The following C2CD3 variants were observed in gnomAD, a reference collection of about 807,000 sequenced individuals.
The protein encoded by C2CD3 is C2 domain containing 3 centriole elongation regulator, also known as C2 domain-containing protein 3.
Under a neutral mutation model 234.0 loss-of-function variants are expected in C2CD3, and 148 were observed. The observed-to-expected ratio is 0.63, with a 90% CI of 0.55 to 0.72. The LOEUF is 0.72. C2CD3 is among the 30% of genes least tolerant of loss of function. C2CD3 has a pLI of 0.00. For synonymous variants in C2CD3, 1,000 were observed against 1,035.4 expected (o/e 0.97, Z 0.66); for missense variants, 2,577 against 2,811.5 (o/e 0.92, Z 1.89).
At chr11:74,147,525 T>C (rs1033256141) in intron 3 of C2CD3, among the ~76,000 whole-genome samples, 2 of 152,326 alleles carry the variant, frequency 1.3e-5, no homozygotes, top group South Asian at 4.1e-4. Flanking sequence ...GTATGAGTTA[T>C]GGTGCTAAAA....
chr11:74,065,534 A>C (rs993800011), intron 24 of C2CD3, among the ~76,000 whole-genome samples: 3 of 152,184 alleles, frequency 2.0e-5, no homozygotes, highest in African/African-American at 4.8e-5. Flanking sequence ...AACTAGAAAT[A>C]CCATTTGACC....
intron 32 of C2CD3, among the ~76,000 whole-genome samples, chr11:74,027,936 C>T (rs554362729): frequency 5.3e-5 from 8 of 152,244 alleles, no homozygotes; most frequent in African/African-American, 1.9e-4. Context: ...TACTGTTGTA[C>T]TCCCGTAAGG....
At chr11:74,161,141 A>G (rs1856429324) in intron 3 of C2CD3, among the ~76,000 whole-genome samples, 1 of 152,224 alleles carries the variant, frequency 6.6e-6, no homozygotes, top group Admixed American at 6.5e-5. Flanking sequence ...TTATGAATGT[A>G]AAAAAGAGTA....
At chr11:74,143,767 T>C (rs1257320957) in intron 3 of C2CD3, among the ~76,000 whole-genome samples, 2 of 152,014 alleles carry the variant, frequency 1.3e-5, no homozygotes, top group African/African-American at 2.4e-5. Flanking sequence ...TATTGCCCTC[T>C]GGTTTTGGTA....
intron 18 of C2CD3, among the ~76,000 whole-genome samples, chr11:74,093,173 T>C (rs1357219448): frequency 1.3e-5 from 2 of 152,032 alleles, no homozygotes; most frequent in Admixed American, 6.6e-5. Context: ...TTTCCTCTTA[T>C]ATTTATACTC....
chr11:74,095,422 C>A lies in C2CD3; in HGVS notation c.2980-14G>T. ...TCGGTCCTCTGCCTATTAAATGAAA[C>A]AGAAACACTGGTGAGCTTTAAAGAG... On this transcript the variant is annotated splice_polypyrimidine_tract_variant and intron_variant, in intron 16 of 32. Transcript: ENST00000334126. 1 of 1,601,524 alleles carries A rather than the reference C, an allele frequency of 6.2e-7. No individual in the cohort carries two copies. The highest frequency in any genetic ancestry group is 8.5e-7 in the Non-Finnish European group (1 of 1,173,074).
At chr11:74,079,215 A>C (rs1955217824) in intron 22 of C2CD3, among the ~76,000 whole-genome samples, 1 of 152,208 alleles carries the variant, frequency 6.6e-6, no homozygotes, top group South Asian at 2.1e-4. Flanking sequence ...TAGAGAACAC[A>C]TACCAAGGAC....
rs767942030 is a variant in C2CD3 at position 74,131,433 on chromosome 11, C to T, written c.1217+1411G>A. The stretch of plus-strand genomic sequence containing the variant: ...TTCAGGTGTCAAACTAACTCTCATT[C>T]CTGGAATAAATCCTGCTTGGTCATA... On this transcript the variant is annotated intron_variant, in intron 7 of 32. Transcript: ENST00000334126. 4.0e-4 allele frequency among the ~76,000 whole-genome samples: 60 copies of T among 151,740 alleles called. 1 individual carries two copies. The highest frequency in any genetic ancestry group is 8.8e-5 in the Non-Finnish European group (6 of 67,968).
intron 2 of C2CD3, among the ~76,000 whole-genome samples, chr11:74,162,511 A>C (rs556232744): frequency 5.3e-5 from 8 of 152,344 alleles, no homozygotes; most frequent in Non-Finnish European, 1.0e-4. Context: ...AAAAACTATA[A>C]CAGAGATAAC....
At chr11:74,123,831 T>C (rs1449923818) in intron 7 of C2CD3, among the ~76,000 whole-genome samples, 1 of 151,008 alleles carries the variant, frequency 6.6e-6, no homozygotes, top group Admixed American at 6.6e-5. Context: ...CTCTGCCTCC[T>C]GGGTTCAAGT....
chr11:74,035,418 C>T (rs956858853), intron 30 of C2CD3, among the ~76,000 whole-genome samples: 2 of 152,174 alleles, frequency 1.3e-5, no homozygotes, highest in East Asian at 1.9e-4. Context: ...CCCAGATTCA[C>T]GAGTTAAATA....
At chr11:74,148,272 A>G (rs1295213916) in intron 3 of C2CD3, among the ~76,000 whole-genome samples, 1 of 152,130 alleles carries the variant, frequency 6.6e-6, no homozygotes, top group Admixed American at 6.5e-5. Context: ...ATAGAAGTAA[A>G]TGTATCACAT....
At chr11:74,120,321 C>A (rs1033535411) in intron 8 of C2CD3, among the ~76,000 whole-genome samples, 2 of 152,108 alleles carry the variant, frequency 1.3e-5, no homozygotes, top group African/African-American at 4.8e-5. Context: ...TGTTCCCCGC[C>A]CCGTGTCTAA....
chr11:74,110,454 G>C (rs1052301371), intron 11 of C2CD3: 13 of 152,208 alleles, frequency 8.5e-5, no homozygotes, highest in Admixed American at 4.6e-4. Flanking sequence ...CAATGCACAG[G>C]AACTATGAAC....
At chr11:74,114,642 A>G in intron 9 of C2CD3, 49 bp from the exon 10 acceptor site, 1 of 1,197,360 alleles carries the variant, frequency 8.4e-7, no homozygotes, top group Non-Finnish European at 1.3e-6. Flanking sequence ...CAGGCTTCAC[A>G]TGAAACAATC....
intron 28 of C2CD3, among the ~76,000 whole-genome samples, chr11:74,045,723 C>T (rs1400039454): frequency 6.6e-6 from 1 of 151,994 alleles, no homozygotes; most frequent in South Asian, 2.1e-4. Flanking sequence ...AGGCATGCAC[C>T]ACTATGCCTG....
In C2CD3 at chr11:74,161,421, G is replaced by C. The variant is rs140484776; in HGVS notation, c.461C>G (p.Ser154Cys). 5.2e-5 allele frequency: 83 copies of C among 1,583,930 alleles called. No individual in the cohort carries two copies. The African/African-American group carries it at 9.7e-4, about 19-fold the overall frequency. Residue 154 changes from serine (S) to cysteine (C), a missense_variant, in exon 3 of 33, where the codon TCT becomes TGT. Transcript: ENST00000334126. ...TACCTGGAGTTCTCCAAGTTTCTTA[G>C]ACGTTGATGAAACAATGGTAAAAAA... Reference protein sequence around the residue: ...NGFFTIVSSTSKKLGELQVSL... With the variant: ...NGFFTIVSSTCKKLGELQVSL...
rs1251146324 is a variant in C2CD3 at position 74,013,148 on chromosome 11, C to G, written c.*237G>C. ...GGCGCGGATTCCATTTTATTTCTAG[C>G]CTTTGCCTCACCACAGAAAAAAGGA... On this transcript the variant is annotated 3_prime_UTR_variant, in exon 33 of 33. Transcript: ENST00000334126. The G allele has an allele frequency of 6.6e-6, 2 of 302,438 alleles. No individual in the cohort carries two copies. The highest frequency in any genetic ancestry group is 1.2e-5 in the Non-Finnish European group (2 of 166,028). The allele number at this position is 302,438 out of a possible 1,614,324, so 18.7% of individuals were successfully genotyped here. A position where few individuals can be genotyped will look rare whatever the true frequency, so the allele number is the denominator to read the frequency against.
intron 9 of C2CD3, among the ~76,000 whole-genome samples, chr11:74,116,925 C>T (rs1303189643): frequency 4.9e-5 from 5 of 103,060 alleles, no homozygotes; most frequent in African/African-American, 1.7e-4. Flanking sequence ...TATACATATA[C>T]ACGTGTATAT....
Sources: gnomAD v4.1 joint callset for allele counts (sites outside exome capture counted in the v4.1 genomes callset) on GRCh38, gnomAD v4.1.1 for gene constraint, MANE v1.5 for transcripts, NCBI Gene and HGNC (gene_info 2026-07-23, HGNC 2026-07-21) for gene names.